The following DNAH5 variants were observed in gnomAD, a reference collection of about 807,000 sequenced individuals.
The protein encoded by DNAH5 is dynein axonemal heavy chain 5.
DNAH5 carries 372 observed loss-of-function variants against 518.2 expected under a neutral mutation model. The observed-to-expected ratio is 0.72, with a 90% CI of 0.66 to 0.78. DNAH5 has a LOEUF of 0.78. Ranked by LOEUF, DNAH5 falls within the 30% of genes least tolerant of loss-of-function variation. The pLI is 0.00. For missense variants in DNAH5, 5,523 were observed against 5,687.0 expected (o/e 0.97, Z 0.93); for synonymous variants, 2,039 against 2,025.9 (o/e 1.01, Z -0.17).
At chr5:13,912,134 T>G (rs1776060687) in intron 11 of DNAH5, among the ~76,000 whole-genome samples, 1 of 152,154 alleles carries the variant, frequency 6.6e-6, no homozygotes, top group Non-Finnish European at 1.5e-5. Flanking sequence ...CTTTCAATAA[T>G]GAGCTATAAT....
intron 7 of DNAH5, 84 bp downstream of exon 7, chr5:13,919,092 T>G: frequency 6.6e-7 from 1 of 1,521,028 alleles, no homozygotes; most frequent in East Asian, 2.3e-5. Context: ...AACATTTTTT[T>G]GTTCCTAATC....
At position 13,839,495 on chromosome 5, in the gene DNAH5, C is replaced by CA; in HGVS notation, c.5742dup (p.Glu1915Ter). 1 of 1,614,042 alleles carries CA rather than the reference C, an allele frequency of 6.2e-7. No homozygotes were observed. Among genetic ancestry groups the CA allele is most frequent in the African/African-American group, 1.3e-5 (1 of 75,048 alleles). On this transcript the variant is annotated frameshift_variant, in exon 35 of 79. Transcript: ENST00000265104. LOFTEE classifies it high-confidence loss of function. ...TAAAATCTGCACTGTTTCAGCCACT[C>CA]AAAGTCCATGGGACTCTTGATATGC... is the stretch of plus-strand genomic sequence containing the variant.
chr5:13,799,258 T>C (rs1371838330), intron 47 of DNAH5, among the ~76,000 whole-genome samples: 1 of 148,294 alleles, frequency 6.7e-6, no homozygotes, highest in Non-Finnish European at 1.5e-5. Context: ...TTTGCTCTTC[T>C]TTTCAATGAA....
intron 31 of DNAH5, among the ~76,000 whole-genome samples, chr5:13,845,948 A>G (rs1765943063): frequency 6.8e-6 from 1 of 148,036 alleles, no homozygotes; most frequent in Non-Finnish European, 1.5e-5. Context: ...CTCCTGCTTC[A>G]GCCTCCGAAG....
At chr5:13,968,347 A>G (rs527440672) in intron 1 of DNAH5, among the ~76,000 whole-genome samples, 1 of 152,022 alleles carries the variant, frequency 6.6e-6, no homozygotes. Flanking sequence ...TTCCAGTACT[A>G]TGTTGAATAG....
intron 36 of DNAH5, 47 bp from the exon 37 acceptor site, chr5:13,830,260 G>C (rs1349753563): frequency 2.6e-6 from 4 of 1,535,916 alleles, no homozygotes. Flanking sequence ...TATAATTTTA[G>C]AAAACCAAGA....
rs59852383 is a variant in DNAH5 at position 13,789,193 on chromosome 5, G to A, written c.8449-279C>T. Reference sequence around the variant, plus strand: ...ACCAATCAACAAACTAATATTCTACGTAAAAGTCTTCAGTTTGTAATAAAT... The same window carrying A: ...ACCAATCAACAAACTAATATTCTACATAAAAGTCTTCAGTTTGTAATAAAT... On this transcript the variant is annotated intron_variant, in intron 50 of 78. Transcript: ENST00000265104. 0.017 allele frequency among the ~76,000 whole-genome samples: 2,562 copies of A among 152,164 alleles called. 60 individuals are homozygous for A. Among genetic ancestry groups the A allele is most frequent in the African/African-American group, 0.057 (2,360 of 41,486 alleles).
Position 13,850,704 on chromosome 5 carries a change from G to C in DNAH5, c.5062C>G (p.Leu1688Val). 1 of 1,614,100 alleles carries C rather than the reference G, an allele frequency of 6.2e-7. No individual in the cohort carries two copies. Among genetic ancestry groups the C allele is most frequent in the Non-Finnish European group, 8.5e-7 (1 of 1,179,972 alleles). Residue 1688 changes from leucine (L) to valine (V), a missense_variant, in exon 31 of 79, where the codon CTG (leucine) becomes GTG (valine). Leu to Val is a conservative substitution (Grantham distance 32). This residue lies in a region of DNAH5 where 5,121 missense variants were observed against 5,223.3 expected (regional missense o/e 0.98). Transcript: ENST00000265104. ...CCVGDETLGQ[L>V]LPHLLDQLEI... ...AACTGGTCCAGCAAGTGTGGTAACA[G>C]CTGCCCCAGGGTCTCATCTCCAACA...
At chr5:13,876,637 G>C (rs1770926066) in intron 22 of DNAH5, 47 bp downstream of exon 22, 1 of 1,604,434 alleles carries the variant, frequency 6.2e-7, no homozygotes, top group Non-Finnish European at 8.5e-7. Flanking sequence ...TCACACAAGT[G>C]CATGTTGCAA....
At chr5:13,962,991 A>G (rs576488810) in intron 1 of DNAH5, among the ~76,000 whole-genome samples, 4 of 152,200 alleles carry the variant, frequency 2.6e-5, no homozygotes, top group Admixed American at 2.0e-4. Context: ...GCGTCCCAAG[A>G]GCAGGGAGCA....
chr5:14,001,765 A>G lies in DNAH5; in HGVS notation c.12+9883T>C, dbSNP rs189481542. On this transcript the variant is annotated intron_variant, in intron 1 of 78. Transcript: ENST00000681290. ...AAGCAAAAGAGAAGCTGAGGCACCA[A>G]TCATACCCTATACAGACAGCTAAGC... Among the ~76,000 whole-genome samples the G allele has an allele frequency of 5.9e-5, 9 of 151,842 alleles. No homozygotes were observed. In the East Asian group the frequency reaches 1.2e-3, roughly 20 times the overall value.
chr5:13,976,044 A>T (rs570133010), intron 1 of DNAH5, among the ~76,000 whole-genome samples: 175 of 152,340 alleles, frequency 1.1e-3, no homozygotes, highest in African/African-American at 3.8e-3. Context: ...AAATTTTTTT[A>T]AAAAAGAACT....
At chr5:13,805,013 C>A (rs1759359741) in intron 47 of DNAH5, among the ~76,000 whole-genome samples, 1 of 152,122 alleles carries the variant, frequency 6.6e-6, no homozygotes. Context: ...ATTGGACTGG[C>A]CTTTGTTCCT....
intron 25 of DNAH5, among the ~76,000 whole-genome samples, chr5:13,867,087 T>C (rs1769363380): frequency 6.6e-6 from 1 of 152,226 alleles, no homozygotes; most frequent in South Asian, 2.1e-4. Flanking sequence ...TATAACTGCA[T>C]GCGAATAGTA....
At chr5:13,993,173 G>C (rs146732077) in intron 1 of DNAH5, among the ~76,000 whole-genome samples, 1 of 152,176 alleles carries the variant, frequency 6.6e-6, no homozygotes, top group African/African-American at 2.4e-5. Flanking sequence ...CTTTCCAATG[G>C]AGAATGCAGA....
intron 55 of DNAH5, 74 bp from the exon 56 acceptor site, chr5:13,771,054 TA>T: frequency 1.5e-6 from 2 of 1,298,808 alleles, no homozygotes; most frequent in Non-Finnish European, 2.2e-6. Flanking sequence ...TGTTTATTTC[TA>T]AAACTTAGAC....
At chr5:13,932,695 C>A (rs938339310) in intron 1 of DNAH5, among the ~76,000 whole-genome samples, 8 of 152,206 alleles carry the variant, frequency 5.3e-5, no homozygotes, top group African/African-American at 1.9e-4. Flanking sequence ...ATCCATCATT[C>A]TGGCAGCAGT....
At chr5:13,949,687 T>C (rs1482080860), upstream of DNAH5, among the ~76,000 whole-genome samples, 2 of 152,210 alleles carry the variant, frequency 1.3e-5, no homozygotes, top group Non-Finnish European at 2.9e-5. Flanking sequence ...CTAAACGCAC[T>C]TTCCAGATGT....
At chr5:13,812,060 G>A (rs1019444902) in intron 43 of DNAH5, among the ~76,000 whole-genome samples, 2 of 152,138 alleles carry the variant, frequency 1.3e-5, no homozygotes, top group Non-Finnish European at 2.9e-5. Flanking sequence ...AGGAAACAGA[G>A]GCCCAGGAAG....
Sources: gnomAD v4.1 joint callset for allele counts (sites outside exome capture counted in the v4.1 genomes callset) on GRCh38, gnomAD v4.1.1 for gene constraint, gnomAD v4.1.1 regional missense constraint, MANE v1.5 for transcripts, NCBI Gene and HGNC (gene_info 2026-07-23, HGNC 2026-07-21) for gene names.